SMC6: variants seen among roughly 807,000 people sequenced by gnomAD.
SMC6 encodes the protein structural maintenance of chromosomes protein 6.
Under a neutral mutation model 142.2 loss-of-function variants are expected in SMC6, and 79 were observed. The observed-to-expected ratio is 0.56, with a 90% confidence interval of 0.46 to 0.67. SMC6 has a LOEUF of 0.67. SMC6 is among the 30% of genes least tolerant of loss of function. The probability of loss-of-function intolerance (pLI) is 0.00; values close to 1 mark genes in which losing one functional copy is unlikely to be tolerated. For missense variants in SMC6, 1,072 were observed against 1,284.0 expected, an observed-to-expected ratio of 0.83 and a Z score of 2.52; for synonymous variants, 411 against 412.4, an observed-to-expected ratio of 1.00 and a Z score of 0.04.
intron 1 of SMC6, 98 bp downstream of exon 1, chr2:17,753,528 G>T (rs912601633): frequency 6.6e-6 from 1 of 152,282 alleles, no homozygotes; most frequent in Non-Finnish European, 1.5e-5. Context: ...AGCTGACCCT[G>T]CCTCTCCCGG....
rs115289673 is a variant in SMC6 at position 17,677,990 on chromosome 2, G to C, written c.2910+869C>G. The stretch of plus-strand genomic sequence containing the variant: ...CCCAGAATATTTAGAGTGGATAGTT[G>C]TTCCTGACCTCCTGGCTACACATTT... On this transcript the variant is annotated intron_variant, in intron 25 of 27. Transcript: ENST00000448223. Among the ~76,000 whole-genome samples the C allele has an allele frequency of 4.8e-3, 723 of 152,166 alleles. 4 individuals are homozygous for C. The highest frequency in any genetic ancestry group is 0.016 in the African/African-American group (670 of 41,532).
At chr2:17,725,484 CG>C in intron 8 of SMC6, 126 bp from the exon 9 acceptor site, 1 of 581,304 alleles carries the variant, frequency 1.7e-6, no homozygotes, top group Non-Finnish European at 2.9e-6. Flanking sequence ...ACATTAAAAA[CG>C]TAAGCAATCA....
At chr2:17,678,988 A>G (rs778096333) in intron 24 of SMC6, 24 bp from the exon 25 acceptor site, 2 of 1,542,206 alleles carry the variant, frequency 1.3e-6, no homozygotes, top group Non-Finnish European at 1.8e-6. Flanking sequence ...AATTAGGCAC[A>G]TTAAAAAGAG....
chr2:17,716,108 G>C lies in SMC6; in HGVS notation c.1503C>G (p.Thr501=). The change falls in exon 15 of 28, where the codon ACC becomes ACG. Residue 501 remains threonine, a synonymous_variant. Transcript: ENST00000448223. Reference sequence around the variant, plus strand: ...TACCTAAAGGGCCTACAGGTTTATAGGTAAAATGTCCTTGTCTATAAGCAT... The same window carrying C: ...TACCTAAAGGGCCTACAGGTTTATACGTAAAATGTCCTTGTCTATAAGCAT... ...IDDAYRQGHF[T]YKPVGPLGAC... is the part of the protein sequence containing the mutation. 6.3e-7 allele frequency: 1 copy of C among 1,593,830 alleles called. No homozygotes were observed. The highest frequency in any genetic ancestry group is 8.5e-7 in the Non-Finnish European group (1 of 1,174,598).
chr2:17,720,628 T>A (rs1052149114), intron 11 of SMC6, among the ~76,000 whole-genome samples: 1 of 152,216 alleles, frequency 6.6e-6, no homozygotes, highest in Non-Finnish European at 1.5e-5. Context: ...TTCAACTCCT[T>A]AATGAACCAA....
chr2:17,747,980 G>A (rs374605250), intron 2 of SMC6, among the ~76,000 whole-genome samples: 5 of 152,328 alleles, frequency 3.3e-5, no homozygotes, highest in African/African-American at 1.2e-4. Context: ...TGGCCTTGTA[G>A]ATCCCTTGCA....
chr2:17,730,446 T>C (rs565327992), intron 7 of SMC6, among the ~76,000 whole-genome samples: 2 of 149,924 alleles, frequency 1.3e-5, no homozygotes, highest in Admixed American at 1.3e-4. Context: ...GGAACAATGA[T>C]GCTATTTTGA....
intron 11 of SMC6, among the ~76,000 whole-genome samples, chr2:17,718,752 T>C (rs1422407769): frequency 6.6e-6 from 1 of 152,194 alleles, no homozygotes; most frequent in African/African-American, 2.4e-5. Context: ...AGAAATTAAA[T>C]ATTGCTAGAG....
intron 10 of SMC6, 37 bp from the exon 11 acceptor site, chr2:17,721,075 A>G: frequency 6.2e-7 from 1 of 1,612,842 alleles, no homozygotes; most frequent in Non-Finnish European, 8.5e-7. Context: ...GATCAGATTA[A>G]CAATAATAAC....
chr2:17,673,573 T>A (rs972904647), intron 25 of SMC6, among the ~76,000 whole-genome samples: 232 of 150,128 alleles, frequency 1.5e-3, no homozygotes, highest in Middle Eastern at 3.4e-3. Context: ...TTTTTTTTTT[T>A]AAATTTTTTT....
chr2:17,721,411 A>G (rs1669369314), intron 9 of SMC6, 150 bp from the exon 10 acceptor site: 1 of 873,212 alleles, frequency 1.1e-6, no homozygotes, highest in Non-Finnish European at 1.6e-6. Context: ...ATTATTCTTG[A>G]TTCTTTGGTA....
chr2:17,708,484 T>G (rs1205645502), intron 17 of SMC6, among the ~76,000 whole-genome samples, 155 bp downstream of exon 17: 2 of 152,142 alleles, frequency 1.3e-5, no homozygotes, highest in African/African-American at 4.8e-5. Flanking sequence ...AACCAGTTTC[T>G]ATATTATCCT....
rs369209532 is a variant in SMC6 at position 17,683,655 on chromosome 2, T to C, written c.2787A>G (p.Thr929=). The C allele has an allele frequency of 3.7e-6, 6 of 1,610,824 alleles. No homozygotes were observed. The African/African-American group carries it at 5.4e-5, about 14-fold the overall frequency. Reference sequence around the variant, plus strand: ...GTACTTACCTTCTAAATTGTTGATATGTCTTGAATCTGTGCTCCATGATTT... The same window carrying C: ...GTACTTACCTTCTAAATTGTTGATACGTCTTGAATCTGTGCTCCATGATTT... The part of the protein sequence containing the change: ...LGEIMEHRFK[T]YQQFRRCLTL... Residue 929 remains threonine, a synonymous_variant, in exon 24 of 28, where the codon ACA becomes ACG. Transcript: ENST00000448223.
chr2:17,690,942 T>A (rs1667680759), intron 23 of SMC6, among the ~76,000 whole-genome samples: 1 of 151,790 alleles, frequency 6.6e-6, no homozygotes, highest in Non-Finnish European at 1.5e-5. Flanking sequence ...TCTGACCATA[T>A]GGAGTTTATA....
chr2:17,679,855 TG>T (rs1667161655), intron 24 of SMC6: 1 of 152,262 alleles, frequency 6.6e-6, no homozygotes, highest in African/African-American at 2.4e-5. Context: ...AAATAAAATC[TG>T]CATGGTAAGT....
At chr2:17,713,725 A>ATC (rs1668941721) in intron 16 of SMC6, 1 of 315,096 alleles carries the variant, frequency 3.2e-6, no homozygotes. Flanking sequence ...TTTTGCCCAA[A>ATC]TCTCTGTGCT....
intron 23 of SMC6, among the ~76,000 whole-genome samples, chr2:17,691,540 A>T (rs75564966): frequency 5.9e-5 from 9 of 151,902 alleles, no homozygotes; most frequent in African/African-American, 1.9e-4. Context: ...ACTCTCAATA[A>T]ATTAGGTATT....
chr2:17,744,639 AC>A (rs1670647131), intron 3 of SMC6, among the ~76,000 whole-genome samples: 2 of 152,134 alleles, frequency 1.3e-5, no homozygotes, highest in Admixed American at 1.3e-4. Context: ...AGAAGCAAAC[AC>A]CTTTGTCTTC....
At chr2:17,696,450 A>G in intron 21 of SMC6, 24 bp from the exon 22 acceptor site, 3 of 1,592,358 alleles carry the variant, frequency 1.9e-6, no homozygotes, top group Non-Finnish European at 2.6e-6. Flanking sequence ...GCCAGAATAA[A>G]AGATTGTTTT....
Sources: allele counts gnomAD v4.1 joint callset (sites outside exome capture counted in the v4.1 genomes callset), GRCh38; gene constraint gnomAD v4.1.1; transcripts MANE v1.5; gene names NCBI Gene and HGNC (gene_info 2026-07-23, HGNC 2026-07-21).